The following PDE4D variants were observed in gnomAD, a reference collection of about 807,000 sequenced individuals.
PDE4D encodes the protein 3',5'-cyclic-AMP phosphodiesterase 4D.
In PDE4D, 24 loss-of-function variants were observed where a neutral mutation model predicts 87.4. The observed-to-expected ratio is 0.27, with a 90% CI of 0.20 to 0.39. The LOEUF (loss-of-function observed/expected upper bound fraction) is 0.39. Ranked by LOEUF, PDE4D falls within the 10% of genes least tolerant of loss-of-function variation. The pLI, the probability that PDE4D is intolerant of heterozygous loss-of-function variation, is 1.00. For missense variants in PDE4D, 714 were observed against 1,041.0 expected (o/e 0.69, Z 4.32); for synonymous variants, 384 against 383.2 (o/e 1.00, Z -0.02).
chr5:59,364,696 C>T (rs1343877771), intron 1 of PDE4D, among the ~76,000 whole-genome samples: 1 of 152,100 alleles, frequency 6.6e-6, no homozygotes, highest in African/African-American at 2.4e-5. Flanking sequence ...GTGACCCTAA[C>T]AAAAACACAC....
intron 1 of PDE4D, among the ~76,000 whole-genome samples, chr5:59,273,409 G>T (rs757646164): frequency 6.7e-6 from 1 of 149,090 alleles, no homozygotes; most frequent in Non-Finnish European, 1.5e-5. Context: ...AATCTATATT[G>T]ATTTTATACA....
At chr5:59,570,686 A>G (rs1331594301) in intron 1 of PDE4D, among the ~76,000 whole-genome samples, 2 of 152,138 alleles carry the variant, frequency 1.3e-5, no homozygotes, top group African/African-American at 2.4e-5. Context: ...AAATCAAATA[A>G]TGAATGCTAG....
chr5:59,779,662 C>T (rs1432913407), intron 1 of PDE4D, among the ~76,000 whole-genome samples: 10 of 152,080 alleles, frequency 6.6e-5, no homozygotes. Flanking sequence ...TTTCACTCAA[C>T]AAAGATCTCT....
intron 1 of PDE4D, among the ~76,000 whole-genome samples, chr5:59,416,151 A>C (rs1202395415): frequency 6.6e-6 from 1 of 152,130 alleles, no homozygotes; most frequent in African/African-American, 2.4e-5. Flanking sequence ...AAAATGAACA[A>C]CTCAAATTCC....
At chr5:59,917,299 G>A (rs1395673427) in intron 3 of PDE4D, among the ~76,000 whole-genome samples, 1 of 152,070 alleles carries the variant, frequency 6.6e-6, no homozygotes, top group Non-Finnish European at 1.5e-5. Context: ...ATGTTTCCAA[G>A]CTGAACTCTA....
intron 4 of PDE4D, 139 bp from the exon 5 acceptor site, chr5:59,180,783 T>A: frequency 1.2e-6 from 1 of 802,730 alleles, no homozygotes; most frequent in Non-Finnish European, 2.1e-6. Flanking sequence ...TCTTTCAGAC[T>A]AGCCAGACAA....
chr5:60,061,866 C>A (rs993443420), intron 2 of PDE4D, among the ~76,000 whole-genome samples: 1 of 152,064 alleles, frequency 6.6e-6, no homozygotes, highest in Non-Finnish European at 1.5e-5. Flanking sequence ...TAGCTATATG[C>A]AGAAGACTGA....
intron 5 of PDE4D, among the ~76,000 whole-genome samples, chr5:59,118,635 TA>T (rs1774000544): frequency 6.6e-6 from 1 of 152,254 alleles, no homozygotes; most frequent in Non-Finnish European, 1.5e-5. Context: ...TTTACAATTC[TA>T]TGAGCACTTT....
At chr5:59,617,211 C>T (rs10074441) in intron 1 of PDE4D, among the ~76,000 whole-genome samples, 29 of 151,986 alleles carry the variant, frequency 1.9e-4, no homozygotes, top group African/African-American at 4.1e-4. Context: ...GGAGCTCCAT[C>T]GTCCTCCATC....
At chr5:60,029,641 A>G (rs975259116) in intron 2 of PDE4D, among the ~76,000 whole-genome samples, 1 of 152,140 alleles carries the variant, frequency 6.6e-6, no homozygotes, top group African/African-American at 2.4e-5. Flanking sequence ...AAACTTTCCA[A>G]ATTAACTAAG....
chr5:60,106,443 G>T (rs1776927963), intron 2 of PDE4D, among the ~76,000 whole-genome samples: 1 of 151,936 alleles, frequency 6.6e-6, no homozygotes, highest in Admixed American at 6.6e-5. Flanking sequence ...ACATTAGACA[G>T]ATCAACGAGA....
chr5:60,472,460 A>G (rs888603965), intron 1 of PDE4D, among the ~76,000 whole-genome samples: 1 of 152,168 alleles, frequency 6.6e-6, no homozygotes, highest in African/African-American at 2.4e-5. Context: ...TATTATTATT[A>G]AATGAAAAAT....
At chr5:59,929,205 A>G (rs1248842908) in intron 3 of PDE4D, among the ~76,000 whole-genome samples, 4 of 152,142 alleles carry the variant, frequency 2.6e-5, no homozygotes, top group Admixed American at 2.0e-4. Flanking sequence ...TGTCATCCAT[A>G]CTAGTTTAGC....
chr5:59,011,949 T>A (rs1412384391), intron 6 of PDE4D, among the ~76,000 whole-genome samples: 3 of 152,182 alleles, frequency 2.0e-5, no homozygotes. Flanking sequence ...GACTTACAGC[T>A]GATCTCTCAG....
chr5:60,001,829 A>G (rs1431007614), intron 2 of PDE4D, among the ~76,000 whole-genome samples: 1 of 151,166 alleles, frequency 6.6e-6, no homozygotes, highest in East Asian at 1.9e-4. Context: ...ATAAAATATT[A>G]TAATTAAAAG....
At chr5:60,293,831 T>C (rs1753136302) in intron 1 of PDE4D, among the ~76,000 whole-genome samples, 1 of 152,142 alleles carries the variant, frequency 6.6e-6, no homozygotes, top group African/African-American at 2.4e-5. Context: ...AATTTGTTTA[T>C]TGATTCTCTT....
chr5:59,546,620 G>A (rs747766184), intron 1 of PDE4D, among the ~76,000 whole-genome samples: 1 of 152,042 alleles, frequency 6.6e-6, no homozygotes, highest in Non-Finnish European at 1.5e-5. Flanking sequence ...AAATTCCTAA[G>A]AAAGCCTTCC....
chr5:60,173,587 A>G (rs1044362333), intron 2 of PDE4D, among the ~76,000 whole-genome samples: 8 of 152,054 alleles, frequency 5.3e-5, no homozygotes, highest in African/African-American at 1.4e-4. Context: ...AATCAGATCC[A>G]CCTTAATATG....
At chr5:60,009,827 G>A (rs1764845667) in intron 2 of PDE4D, among the ~76,000 whole-genome samples, 1 of 151,984 alleles carries the variant, frequency 6.6e-6, no homozygotes, top group Non-Finnish European at 1.5e-5. Context: ...GCAGCTGATT[G>A]GTTTAATTTT....
Sources: allele counts gnomAD v4.1 joint callset (sites outside exome capture counted in the v4.1 genomes callset), GRCh38; gene constraint gnomAD v4.1.1; transcripts MANE v1.5; gene names NCBI Gene and HGNC (gene_info 2026-07-23, HGNC 2026-07-21).